RNF145: variants seen among roughly 807,000 people sequenced by gnomAD.
RNF145 encodes ring finger protein 145.
RNF145 carries 12 observed loss-of-function variants against 57.3 expected under a neutral mutation model. The observed-to-expected ratio is 0.21, with a 90% CI of 0.13 to 0.34. RNF145 has a LOEUF of 0.34. Among genes scored for constraint, RNF145 ranks in the 10% least tolerant of loss-of-function variants. The pLI, the probability that RNF145 is intolerant of heterozygous loss-of-function variation, is 1.00. For synonymous variants in RNF145, 262 were observed against 288.3 expected, an observed-to-expected ratio of 0.91 and a Z score of 0.92; for missense variants, 429 against 799.0, an observed-to-expected ratio of 0.54 and a Z score of 5.58.
intron 4 of RNF145, among the ~76,000 whole-genome samples, chr5:159,178,206 A>C (rs904774931): frequency 2.0e-5 from 3 of 151,940 alleles, no homozygotes; most frequent in Admixed American, 2.0e-4. Context: ...ATTTTAACTT[A>C]AAAATTAATA....
rs372794799 is a variant in RNF145 at position 159,207,402 on chromosome 5, C to T, written c.-40+1829G>A. On this transcript the variant is annotated intron_variant, in intron 1 of 10. Coordinates refer to ENST00000424310, the MANE Select transcript of RNF145 (RefSeq NM_001199383.2). ...AGAAAAAACAAGAATGACACGTGACCCAACTTAAAACTATTCAGTACAATA... is the reference window on the plus strand; with the variant it reads ...AGAAAAAACAAGAATGACACGTGACTCAACTTAAAACTATTCAGTACAATA... 12 of 945,896 alleles carry T rather than the reference C, an allele frequency of 1.3e-5. No homozygotes were observed. The East Asian group carries it at 1.9e-4, about 15-fold the overall frequency. The allele number at this position is 945,896 out of a possible 1,614,324, so 58.6% of individuals were successfully genotyped here.
At chr5:159,203,025 ATGT>A (rs1423535437) in intron 2 of RNF145, among the ~76,000 whole-genome samples, 1 of 152,028 alleles carries the variant, frequency 6.6e-6, no homozygotes, top group East Asian at 1.9e-4. Context: ...TCTTCAGCTG[ATGT>A]TAATGTTTTC....
chr5:159,176,490 A>AT (rs1784724934), intron 5 of RNF145, 142 bp downstream of exon 5: 1 of 599,242 alleles, frequency 1.7e-6, no homozygotes, highest in Non-Finnish European at 3.0e-6. Flanking sequence ...GATGCTCCTA[A>AT]TTGGGCTGAA....
chr5:159,176,800 A>G lies in RNF145; in HGVS notation c.453T>C (p.Ala151=). Residue 151 remains alanine (A), a synonymous_variant, in exon 5 of 11, where the codon GCT becomes GCC. Coordinates refer to ENST00000424310, the MANE Select transcript of RNF145 (RefSeq NM_001199383.2). ...MKTKQIWLFS[A]HMLPLLARLC... ...GTCGTGCTAGCAGAGGAAGCATGTG[A>G]GCTGAAAACAGCCAAATCTGCTTTG... The G allele has an allele frequency of 3.1e-6, 5 of 1,612,648 alleles. 1 individual carries two copies. The highest frequency in any genetic ancestry group is 4.2e-6 in the Non-Finnish European group (5 of 1,179,012).
chr5:159,176,801 G>C lies in RNF145; in HGVS notation c.452C>G (p.Ala151Gly). 1 of 1,612,582 alleles carries C rather than the reference G, an allele frequency of 6.2e-7. No homozygotes were observed. Among genetic ancestry groups the C allele is most frequent in the Non-Finnish European group, 8.5e-7 (1 of 1,178,972 alleles). ...TCGTGCTAGCAGAGGAAGCATGTGA[G>C]CTGAAAACAGCCAAATCTGCTTTGT... Reference protein sequence around the residue: ...MKTKQIWLFSAHMLPLLARLC... With the variant: ...MKTKQIWLFSGHMLPLLARLC... Residue 151 changes from alanine to glycine, a missense_variant, in exon 5 of 11, where the codon GCT becomes GGT. Transcript: ENST00000424310.
intron 3 of RNF145, among the ~76,000 whole-genome samples, chr5:159,185,037 T>G (rs1340479702): frequency 2.6e-5 from 4 of 152,192 alleles, no homozygotes; most frequent in African/African-American, 9.7e-5. Flanking sequence ...TCTCCAATAC[T>G]GTACTGCCCC....
At chr5:159,177,275 A>G (rs1398836861) in intron 4 of RNF145, among the ~76,000 whole-genome samples, 3 of 152,146 alleles carry the variant, frequency 2.0e-5, no homozygotes, top group Non-Finnish European at 4.4e-5. Context: ...TCCAAGAGAT[A>G]TAATTACTTG....
chr5:159,168,712 T>C (rs1784459160), intron 8 of RNF145, among the ~76,000 whole-genome samples, 161 bp downstream of exon 8: 1 of 152,298 alleles, frequency 6.6e-6, no homozygotes, highest in African/African-American at 2.4e-5. Flanking sequence ...AGACATCTCA[T>C]ATAGGAAAAA....
At chr5:159,181,301 G>A (rs1784886266) in intron 4 of RNF145, among the ~76,000 whole-genome samples, 1 of 151,960 alleles carries the variant, frequency 6.6e-6, no homozygotes, top group Non-Finnish European at 1.5e-5. Flanking sequence ...GTAAAGGGCT[G>A]GGGAAGTATT....
At chr5:159,209,946 T>C (rs1463507280), upstream of RNF145, 12 of 1,517,056 alleles carry the variant, frequency 7.9e-6, no homozygotes, top group Non-Finnish European at 1.1e-5. Flanking sequence ...ACCTCGTCAC[T>C]GACTGGACTA....
At chr5:159,190,979 T>C (rs1456039540) in intron 3 of RNF145, among the ~76,000 whole-genome samples, 1 of 151,986 alleles carries the variant, frequency 6.6e-6, no homozygotes, top group Non-Finnish European at 1.5e-5. Context: ...TGAGATGGCA[T>C]TGTCTACAAA....
intron 3 of RNF145, among the ~76,000 whole-genome samples, chr5:159,187,898 T>C (rs936663569): frequency 6.6e-6 from 1 of 152,208 alleles, no homozygotes; most frequent in Non-Finnish European, 1.5e-5. Flanking sequence ...GAGCTGATTA[T>C]CCATAGTTTA....
intron 3 of RNF145, among the ~76,000 whole-genome samples, chr5:159,183,223 G>A (rs1286540104): frequency 1.3e-5 from 2 of 152,160 alleles, no homozygotes; most frequent in Non-Finnish European, 2.9e-5. Flanking sequence ...TCTTTCTACT[G>A]AAAGAGGAAG....
intron 4 of RNF145, among the ~76,000 whole-genome samples, chr5:159,180,548 C>CAACT (rs1784857458): frequency 1.3e-5 from 2 of 152,030 alleles, no homozygotes; most frequent in Non-Finnish European, 2.9e-5. Flanking sequence ...ACTCAACAAG[C>CAACT]AACTAGTCTA....
intron 2 of RNF145, among the ~76,000 whole-genome samples, chr5:159,201,995 C>A (rs966867400): frequency 6.6e-6 from 1 of 152,126 alleles, no homozygotes; most frequent in Non-Finnish European, 1.5e-5. Context: ...GTAACTCCAA[C>A]CAAAACATTG....
intron 6 of RNF145, 64 bp downstream of exon 6, chr5:159,173,919 A>G: frequency 9.0e-7 from 1 of 1,114,372 alleles, no homozygotes; most frequent in Non-Finnish European, 1.2e-6. Context: ...AAAACTTACT[A>G]TTCCTAGATC....
chr5:159,160,837 C>A (rs1055536382), intron 10 of RNF145, among the ~76,000 whole-genome samples: 2 of 152,174 alleles, frequency 1.3e-5, no homozygotes, highest in Non-Finnish European at 2.9e-5. Flanking sequence ...CATATTCTCT[C>A]TACCTATGTT....
intron 7 of RNF145, 151 bp downstream of exon 7, chr5:159,169,528 A>G: frequency 1.7e-6 from 1 of 572,638 alleles, no homozygotes; most frequent in Non-Finnish European, 3.0e-6. Context: ...GTATTTTTTC[A>G]TAGTATTTTA....
intron 3 of RNF145, among the ~76,000 whole-genome samples, chr5:159,188,938 T>C (rs75738244): frequency 6.6e-6 from 1 of 152,196 alleles, no homozygotes; most frequent in Non-Finnish European, 1.5e-5. Context: ...ATTTTTTTTT[T>C]CTTGTTTCCA....
Sources: gnomAD v4.1 joint callset for allele counts (sites outside exome capture counted in the v4.1 genomes callset) on GRCh38, gnomAD v4.1.1 for gene constraint, MANE v1.5 for transcripts, NCBI Gene and HGNC (gene_info 2026-07-23, HGNC 2026-07-21) for gene names.